Variants in KANSL3 observed in about 807,000 individuals in gnomAD.
KANSL3 encodes the protein NSL complex protein NSL3.
In KANSL3, 16 loss-of-function variants were observed where a neutral mutation model predicts 89.2. The observed-to-expected ratio is 0.18, with a 90% CI of 0.12 to 0.27. The LOEUF (loss-of-function observed/expected upper bound fraction) is 0.27, where lower values mean the gene tolerates loss of function less well. Ranked by LOEUF, KANSL3 falls within the 10% of genes least tolerant of loss-of-function variation. The pLI, the probability that KANSL3 is intolerant of heterozygous loss-of-function variation, is 1.00. For missense variants in KANSL3, 879 were observed against 1,110.6 expected (o/e 0.79, Z 2.96); for synonymous variants, 385 against 419.7 (o/e 0.92, Z 1.01).
intron 20 of KANSL3, chr2:96,600,910 C>T (rs754879948): frequency 1.6e-5 from 16 of 985,116 alleles, no homozygotes; most frequent in South Asian, 4.7e-5. Context: ...ACTTGGGGGC[C>T]GAGGCGGGAG....
intron 20 of KANSL3, among the ~76,000 whole-genome samples, chr2:96,597,653 A>G (rs1415107718): frequency 6.6e-6 from 1 of 151,952 alleles, no homozygotes; most frequent in African/African-American, 2.4e-5. Context: ...CCCAGGCTGG[A>G]GTGCAATGGT....
chr2:96,605,382 A>G lies in KANSL3; in HGVS notation c.1871T>C (p.Leu624Pro). ...TSKRPKIKVSLISQGDTAGGP... is the reference protein window; with the variant it reads ...TSKRPKIKVSPISQGDTAGGP... ...TCCAGCTGTGTCCCCTTGGGAGATA[A>G]GGGACACCTTGATCTTCGGTCGTTT... is the stretch of plus-strand genomic sequence containing the variant. Residue 624 changes from leucine (L) to proline (P), a missense_variant, in exon 15 of 21, where the codon CTT becomes CCT. By Grantham distance (98) the Leu-to-Pro change is moderately conservative. Coordinates refer to ENST00000431828, the MANE Select transcript of KANSL3 (RefSeq NM_001115016.3). 1 of 1,613,888 alleles carries G rather than the reference A, an allele frequency of 6.2e-7. No individual in the cohort carries two copies. Among genetic ancestry groups the G allele is most frequent in the Non-Finnish European group, 8.5e-7 (1 of 1,179,852 alleles).
chr2:96,583,470 G>A, the KANSL3 span, among the ~76,000 whole-genome samples: 47 of 152,222 alleles, frequency 3.1e-4, no homozygotes, highest in Middle Eastern at 0.017. Context: ...TTCTATAACC[G>A]CAGACTAGTT....
chr2:96,580,630 G>A, the KANSL3 span, among the ~76,000 whole-genome samples: 1 of 152,144 alleles, frequency 6.6e-6, no homozygotes, highest in African/African-American at 2.4e-5. Context: ...GGTTAAACAG[G>A]TGTGTGTTGT....
rs143809637 is a variant in KANSL3 at position 96,599,181 on chromosome 2, T to C, written c.2616+2462A>G. On this transcript the variant is annotated intron_variant, in intron 20 of 20. Coordinates refer to ENST00000431828, the MANE Select transcript of KANSL3 (RefSeq NM_001115016.3). ...TTTAGAATGTGACAGCAGTGGATTT[T>C]AGATGAGTGGAGGAATGATGAATGG... is the stretch of plus-strand genomic sequence containing the variant. 1.5e-3 allele frequency among the ~76,000 whole-genome samples: 226 copies of C among 152,318 alleles called. 1 individual carries two copies. Among genetic ancestry groups the C allele is most frequent in the African/African-American group, 5.1e-3 (213 of 41,580 alleles).
At chr2:96,621,522 A>G (rs1412720497) in intron 3 of KANSL3, among the ~76,000 whole-genome samples, 3 of 152,036 alleles carry the variant, frequency 2.0e-5, no homozygotes, top group African/African-American at 7.2e-5. Flanking sequence ...TTGAAAAAAA[A>G]AAAAAAATTC....
At chr2:96,635,925 T>C (rs919375596) in intron 2 of KANSL3, among the ~76,000 whole-genome samples, 4 of 149,492 alleles carry the variant, frequency 2.7e-5, no homozygotes, top group Non-Finnish European at 5.9e-5. Context: ...ACCCAGGAGG[T>C]GGAGGTTGCA....
chr2:96,601,610 G>T, intron 20 of KANSL3, 33 bp downstream of exon 20: 1 of 1,606,790 alleles, frequency 6.2e-7, no homozygotes, highest in Non-Finnish European at 8.5e-7. Context: ...CAATAATGAA[G>T]CCCATGTCCT....
Position 96,602,429 on chromosome 2 carries a change from A to G in KANSL3, c.2260-91T>C, listed in dbSNP as rs1029277182. 5.3e-6 allele frequency: 5 copies of G among 937,400 alleles called. No homozygotes were observed. The African/African-American group carries it at 8.3e-5, about 16-fold the overall frequency. 58.1% of individuals were successfully genotyped at this position (937,400 alleles called of 1,614,324 possible). ...GCCCACAGCATATTATTAAAGGCTA[A>G]CATGTATTGAGTGCCTACTACATGC... On this transcript the variant is annotated intron_variant, in intron 18 of 20. Coordinates refer to ENST00000431828, the MANE Select transcript of KANSL3 (RefSeq NM_001115016.3).
rs1157282789 is a variant in KANSL3 at position 96,604,460 on chromosome 2, G to A, written c.2019-80C>T. ...AGCAACACTGGCAGGGTACAGAGTG[G>A]GGCCCAGCAAGGCTTTCAGCAGCAG... is the stretch of plus-strand genomic sequence containing the variant. On this transcript the variant is annotated intron_variant, in intron 16 of 20. Transcript: ENST00000431828. 4 of 1,517,406 alleles carry A rather than the reference G, an allele frequency of 2.6e-6. No individual in the cohort carries two copies. The African/African-American group carries it at 5.5e-5, about 21-fold the overall frequency. 94.0% of individuals were successfully genotyped at this position (1,517,406 alleles called of 1,614,324 possible).
chr2:96,595,370 T>A lies in KANSL3; in HGVS notation c.*241A>T. Reference sequence around the variant, plus strand: ...CTGATCCATGTACAGCCAGATCTGCTGAGGAGTCTGGGGTTCCCAGGAACC... The same window carrying A: ...CTGATCCATGTACAGCCAGATCTGCAGAGGAGTCTGGGGTTCCCAGGAACC... On this transcript the variant is annotated 3_prime_UTR_variant, in exon 21 of 21. Transcript: ENST00000431828. 1 of 518,792 alleles carries A rather than the reference T, an allele frequency of 1.9e-6. No individual in the cohort carries two copies. The highest frequency in any genetic ancestry group is 2.4e-5 in the South Asian group (1 of 41,184). 32.1% of individuals were successfully genotyped at this position (518,792 alleles called of 1,614,324 possible).
Position 96,628,177 on chromosome 2 carries a change from T to G in KANSL3, c.386+3135A>C, listed in dbSNP as rs2072742926. 6 of 1,283,534 alleles carry G rather than the reference T, an allele frequency of 4.7e-6. No individual in the cohort carries two copies. The South Asian group carries it at 7.5e-5, about 16-fold the overall frequency. 79.5% of individuals were successfully genotyped at this position (1,283,534 alleles called of 1,614,324 possible). A position where few individuals can be genotyped will look rare whatever the true frequency, so the allele number is the denominator to read the frequency against. On this transcript the variant is annotated intron_variant, in intron 3 of 20. Transcript: ENST00000431828. ...CACACTGGCCTATTCCGTGGACTCA[T>G]CTTGCCTAGAGGAAAGATGTGTACA...
downstream of KANSL3, among the ~76,000 whole-genome samples, chr2:96,592,522 G>T (rs2066294494): frequency 2.0e-5 from 3 of 152,062 alleles, no homozygotes; most frequent in African/African-American, 4.8e-5. Flanking sequence ...AAACTGAAAA[G>T]GTCACGTGCA....
chr2:96,609,980 A>AAAAAAAAAG, intron 11 of KANSL3, among the ~76,000 whole-genome samples: 1 of 147,528 alleles, frequency 6.8e-6, no homozygotes, highest in African/African-American at 2.5e-5. Flanking sequence ...AAAAAAAAAA[A>AAAAAAAAAG]GCTCAAGGTC....
At chr2:96,582,623 G>A in the KANSL3 span, among the ~76,000 whole-genome samples, 2 of 152,090 alleles carry the variant, frequency 1.3e-5, no homozygotes, top group Non-Finnish European at 2.9e-5. Flanking sequence ...TAAATTCCTT[G>A]CTTGCTAATT....
chr2:96,610,728 G>A lies in KANSL3; in HGVS notation c.1317C>T (p.Leu439=), dbSNP rs765339058. The change falls in exon 11 of 21, where the codon CTC becomes CTT. Residue 439 remains leucine, a splice_region_variant and synonymous_variant. Coordinates refer to ENST00000431828, the MANE Select transcript of KANSL3 (RefSeq NM_001115016.3). ...CAGCTCTGGGAGAATCCACCCACCT[G>A]AGATTGTCATCAGCTCCCCCAACCA... ...LVVVGGADDN[L]RISKAKKKSE... is the part of the protein sequence containing the mutation. The A allele has an allele frequency of 1.9e-6, 3 of 1,613,810 alleles. No individual in the cohort carries two copies. In the South Asian group the frequency reaches 3.3e-5, roughly 18 times the overall value.
downstream of KANSL3, among the ~76,000 whole-genome samples, chr2:96,590,113 C>T (rs906556290): frequency 4.0e-5 from 6 of 151,842 alleles, no homozygotes; most frequent in Non-Finnish European, 7.4e-5. Context: ...GCCAAGATTG[C>T]GCATTGCACT....
At chr2:96,587,520 C>G in the KANSL3 span, among the ~76,000 whole-genome samples, 1 of 152,126 alleles carries the variant, frequency 6.6e-6, no homozygotes, top group Non-Finnish European at 1.5e-5. Context: ...AACAAAGTTC[C>G]CCTATGAGAG....
In KANSL3 at chr2:96,610,903, T is replaced by C; in HGVS notation, c.1162-20A>G. Reference sequence around the variant, plus strand: ...TACATCCTAAAACAGGTATAGGTTTTAGAATCGGCTTCTTCATATTCACAA... The same window carrying C: ...TACATCCTAAAACAGGTATAGGTTTCAGAATCGGCTTCTTCATATTCACAA... On this transcript the variant is annotated intron_variant, in intron 10 of 20. Transcript: ENST00000431828. The C allele has an allele frequency of 6.2e-7, 1 of 1,610,084 alleles. No homozygotes were observed. The highest frequency in any genetic ancestry group is 8.5e-7 in the Non-Finnish European group (1 of 1,176,624).
Sources: gnomAD v4.1 joint callset for allele counts (sites outside exome capture counted in the v4.1 genomes callset) on GRCh38, gnomAD v4.1.1 for gene constraint, MANE v1.5 for transcripts, NCBI Gene and HGNC (gene_info 2026-07-23, HGNC 2026-07-21) for gene names.